The following WDR1 variants were observed in gnomAD, a reference collection of about 807,000 sequenced individuals.
WDR1 encodes the protein WD repeat domain 1.
Under a neutral mutation model 71.9 loss-of-function variants are expected in WDR1, and 21 were observed. The ratio of observed to expected loss-of-function variants is 0.29; its 90% CI spans 0.21 to 0.42. The LOEUF is 0.42. WDR1 is among the 10% of genes least tolerant of loss of function. The pLI, the probability that WDR1 is intolerant of heterozygous loss-of-function variation, is 1.00. For missense variants in WDR1, 696 were observed against 824.5 expected (o/e 0.84, Z 1.91); for synonymous variants, 424 against 347.4 (o/e 1.22, Z -2.45).
At chr4:10,082,973 AGGGGAGCTGAGGCTCATCCG>A (rs1171346386) in intron 10 of WDR1, 29 bp downstream of exon 10, 3 of 1,570,400 alleles carry the variant, frequency 1.9e-6, no homozygotes, top group Non-Finnish European at 2.6e-6. Flanking sequence ...AAGCCCTCCG[AGGGGAGCTGAGGCTCATCCG>A]GAACCCCCGC....
In WDR1 at chr4:10,074,473, A is replaced by G. The variant is rs920493351; in HGVS notation, c.*905T>C. 1.3e-5 allele frequency: 2 copies of G among 152,628 alleles called. No individual in the cohort carries two copies. The highest frequency in any genetic ancestry group is 2.9e-5 in the Non-Finnish European group (2 of 68,038). The allele number at this position is 152,628 out of a possible 1,614,324, so 9.5% of individuals were successfully genotyped here. On this transcript the variant is annotated 3_prime_UTR_variant, in exon 15 of 15. Coordinates refer to ENST00000499869, the MANE Select transcript of WDR1 (RefSeq NM_017491.5). ...TCCGACACACGCAAAAACACTCCCA[A>G]TCACGGTGCTTTATACTTACTTTTA...
intron 5 of WDR1, among the ~76,000 whole-genome samples, chr4:10,089,656 C>T (rs1309842659): frequency 2.7e-4 from 41 of 152,254 alleles, no homozygotes; most frequent in Non-Finnish European, 5.9e-5. Flanking sequence ...GGCAAATGCA[C>T]ATCCAGTGCT....
rs201687763 is a variant in WDR1 at position 10,078,920 on chromosome 4, C to T, written c.1366G>A (p.Gly456Ser). 1.1e-4 allele frequency: 173 copies of T among 1,612,796 alleles called. No individual in the cohort carries two copies. The African/African-American group carries it at 1.9e-3, about 18-fold the overall frequency. ...YEPEVVAVHP[G>S]GDTVAIGGVD... ...CCCCCAATTGCCACCGTGTCCCCGC[C>T]GGGGTGCACTGCCACAACTTCGGGC... The change falls in exon 12 of 15, where the codon GGC (glycine) becomes AGC (serine). Residue 456 changes from glycine (G) to serine (S), a missense_variant. Physicochemically the swap from Gly to Ser is moderately conservative, Grantham distance 56 (BLOSUM62 0). Coordinates refer to ENST00000499869, the MANE Select transcript of WDR1 (RefSeq NM_017491.5).
At chr4:10,109,454 G>A (rs1713217431) in intron 2 of WDR1, among the ~76,000 whole-genome samples, 2 of 152,346 alleles carry the variant, frequency 1.3e-5, no homozygotes, top group Admixed American at 6.5e-5. Context: ...TTAATACAGA[G>A]AATAAAGTCT....
chr4:10,101,324 A>C (rs756748144), intron 3 of WDR1, among the ~76,000 whole-genome samples: 1 of 152,262 alleles, frequency 6.6e-6, no homozygotes, highest in Non-Finnish European at 1.5e-5. Context: ...AAGATCCTGC[A>C]GAGGGCTGGG....
rs1578409997 is a variant in WDR1 at position 10,074,525 on chromosome 4, G to C, written c.*853C>G. Reference sequence around the variant, plus strand: ...TTTCTGCACTGAAAAAGAAAAGGAAGGTAAAAACAATGACAGATTAGTTTA... The same window carrying C: ...TTTCTGCACTGAAAAAGAAAAGGAACGTAAAAACAATGACAGATTAGTTTA... On this transcript the variant is annotated 3_prime_UTR_variant, in exon 15 of 15. Coordinates refer to ENST00000499869, the MANE Select transcript of WDR1 (RefSeq NM_017491.5). The C allele has an allele frequency of 6.6e-6, 1 of 152,628 alleles. No homozygotes were observed. The highest frequency in any genetic ancestry group is 1.9e-4 in the East Asian group (1 of 5,190). The allele number at this position is 152,628 out of a possible 1,614,324, so 9.5% of individuals were successfully genotyped here.
intron 2 of WDR1, among the ~76,000 whole-genome samples, chr4:10,114,082 C>G (rs929450795): frequency 2.0e-5 from 3 of 152,138 alleles, no homozygotes; most frequent in Non-Finnish European, 4.4e-5. Context: ...AAAAATCGTA[C>G]CCACCTTTAC....
intron 5 of WDR1, among the ~76,000 whole-genome samples, chr4:10,090,128 C>T (rs918318109): frequency 1.3e-5 from 2 of 152,174 alleles, no homozygotes; most frequent in African/African-American, 4.8e-5. Context: ...ACTCGGAGTG[C>T]GTCCCTGCCC....
chr4:10,116,283 G>C, intron 1 of WDR1, 49 bp from the exon 2 acceptor site: 1 of 1,610,974 alleles, frequency 6.2e-7, no homozygotes. Context: ...GGCGGGGACG[G>C]CGGGGACAGA....
intron 5 of WDR1, chr4:10,092,561 C>G (rs542917776): frequency 5.8e-6 from 1 of 172,516 alleles, no homozygotes; most frequent in African/African-American, 2.4e-5. Flanking sequence ...AGGGAGGGGC[C>G]CGGCACAGTC....
At chr4:10,091,681 C>G (rs1421817702) in intron 5 of WDR1, 1 of 152,336 alleles carries the variant, frequency 6.6e-6, no homozygotes, top group African/African-American at 2.4e-5. Flanking sequence ...TGCATCCCCC[C>G]TTCTGCTGTT....
rs372150069 is a variant in WDR1, at chr4:10,088,628, G to A, written c.636+36C>T. 1.2e-5 allele frequency: 19 copies of A among 1,543,980 alleles called. No homozygotes were observed. In the African/African-American group the frequency reaches 2.5e-4, roughly 20 times the overall value. On this transcript the variant is annotated intron_variant, in intron 6 of 14. Coordinates refer to ENST00000499869, the MANE Select transcript of WDR1 (RefSeq NM_017491.5). ...AGCAGTCACGGGAGCAGGCAGACAA[G>A]CCATTCCCCACCCCAAAACCCATCC... is the stretch of plus-strand genomic sequence containing the variant.
At chr4:10,088,622 A>C in intron 6 of WDR1, 42 bp downstream of exon 6, 1 of 1,520,068 alleles carries the variant, frequency 6.6e-7, no homozygotes, top group South Asian at 1.2e-5. Flanking sequence ...GGGAGCAGGC[A>C]GACAAGCCAT....
chr4:10,089,397 C>T (rs1355296198), intron 5 of WDR1, among the ~76,000 whole-genome samples: 1 of 152,154 alleles, frequency 6.6e-6, no homozygotes, highest in Non-Finnish European at 1.5e-5. Context: ...TAAGTCACTG[C>T]GCCTGGCCAA....
rs1764856874 is a variant in WDR1 at position 10,077,765 on chromosome 4, A to G, written c.1557T>C (p.Ala519=). ...ASKVVTVFSV[A]DGYSENNVFY... ...CGCCGCCACTCACCGAGTAGCCGTC[A>G]GCAACGCTGAACACTGTGACCACCT... Residue 519 remains alanine (A), a synonymous_variant, in exon 13 of 15, where the codon GCT becomes GCC. Coordinates refer to ENST00000499869, the MANE Select transcript of WDR1 (RefSeq NM_017491.5). 1 of 1,591,386 alleles carries G rather than the reference A, an allele frequency of 6.3e-7. No homozygotes were observed. Among genetic ancestry groups the G allele is most frequent in the Non-Finnish European group, 8.6e-7 (1 of 1,167,772 alleles).
intron 5 of WDR1, among the ~76,000 whole-genome samples, chr4:10,089,014 C>G (rs147506185): frequency 2.3e-4 from 35 of 152,298 alleles, no homozygotes; most frequent in Non-Finnish European, 3.7e-4. Flanking sequence ...TTATGCCCCC[C>G]CCAGTGAGGT....
Position 10,116,799 on chromosome 4 carries a change from T to G in WDR1, c.-133A>C. On this transcript the variant is annotated 5_prime_UTR_variant, in exon 1 of 15. Coordinates refer to ENST00000499869, the MANE Select transcript of WDR1 (RefSeq NM_017491.5). ...GGCACCGGGCGTGCCGGGAGTGGAG[T>G]GGGCGGTCCGAGGCCGGGGCTCAGA... 2.8e-6 allele frequency: 3 copies of G among 1,086,548 alleles called. No homozygotes were observed. Among genetic ancestry groups the G allele is most frequent in the Non-Finnish European group, 3.5e-6 (3 of 864,478 alleles). 67.3% of individuals were successfully genotyped at this position (1,086,548 alleles called of 1,614,324 possible). A position where few individuals can be genotyped will look rare whatever the true frequency, so the allele number is the denominator to read the frequency against.
At chr4:10,091,018 C>T (rs1560535657) in intron 5 of WDR1, among the ~76,000 whole-genome samples, 1 of 152,234 alleles carries the variant, frequency 6.6e-6, no homozygotes, top group Non-Finnish European at 1.5e-5. Context: ...AGCTCATGAG[C>T]GATGGGGCTG....
chr4:10,104,276 A>C (rs1411366164), intron 2 of WDR1, among the ~76,000 whole-genome samples: 2 of 152,188 alleles, frequency 1.3e-5, no homozygotes, highest in South Asian at 2.1e-4. Context: ...ATACAGAACA[A>C]ATATATCAGT....
Sources: gnomAD v4.1 joint callset for allele counts (sites outside exome capture counted in the v4.1 genomes callset) on GRCh38, gnomAD v4.1.1 for gene constraint, MANE v1.5 for transcripts, NCBI Gene and HGNC (gene_info 2026-07-23, HGNC 2026-07-21) for gene names.